MYO16: variants seen among roughly 807,000 people sequenced by gnomAD.
MYO16 encodes myosin XVI, also known as unconventional myosin-XVI.
A neutral mutation model predicts 205.3 loss-of-function variants in MYO16; 94 were observed. The observed-to-expected ratio is 0.46, with a 90% CI of 0.39 to 0.54. The LOEUF (loss-of-function observed/expected upper bound fraction) is 0.54. MYO16 is among the 20% of genes least tolerant of loss of function. MYO16 has a pLI of 0.00. For synonymous variants in MYO16, 988 were observed against 954.0 expected, an observed-to-expected ratio of 1.04 and a Z score of -0.66; for missense variants, 2,315 against 2,387.5, an observed-to-expected ratio of 0.97 and a Z score of 0.63.
chr13:108,752,302 T>G lies in MYO16; in HGVS notation c.507+24719T>G, dbSNP rs533960410. The stretch of plus-strand genomic sequence containing the variant: ...AGTCAACATCTGTAATTTATGAAAT[T>G]ACAGATTTCTATGAAAATATCTGTA... On this transcript the variant is annotated intron_variant, in intron 4 of 34. Transcript: ENST00000457511. Among the ~76,000 whole-genome samples, 3 of 152,306 alleles carry G rather than the reference T, an allele frequency of 2.0e-5. No homozygotes were observed. The South Asian group carries it at 6.2e-4, about 32-fold the overall frequency.
intron 27 of MYO16, among the ~76,000 whole-genome samples, chr13:109,091,026 A>G (rs1322692625): frequency 1.3e-5 from 2 of 152,294 alleles, no homozygotes; most frequent in South Asian, 2.1e-4. Flanking sequence ...AGCCTTCTGA[A>G]TGCTGGAAAT....
intron 12 of MYO16, among the ~76,000 whole-genome samples, chr13:108,866,946 G>A (rs571266733): frequency 1.3e-5 from 2 of 152,094 alleles, no homozygotes; most frequent in Non-Finnish European, 2.9e-5. Context: ...GAGAAAAAAA[G>A]AGAAATTCCT....
At chr13:108,855,713 G>A (rs1878134508) in intron 11 of MYO16, among the ~76,000 whole-genome samples, 160 bp downstream of exon 11, 1 of 152,154 alleles carries the variant, frequency 6.6e-6, no homozygotes, top group South Asian at 2.1e-4. Flanking sequence ...GCTTCATTCT[G>A]GCTCAGTTAT....
At chr13:108,590,220 T>G in the MYO16 span, among the ~76,000 whole-genome samples, 1 of 152,332 alleles carries the variant, frequency 6.6e-6, no homozygotes, top group Non-Finnish European at 1.5e-5. Context: ...CATTTGGAAG[T>G]ACTACACATA....
rs138244217 is a variant in MYO16 at position 109,074,171 on chromosome 13, G to A, written c.3335+18576G>A. ...CTTGTTTTTGGTAAAGAAAAAAATT[G>A]TGTTTTTACATAAACATACACCCAT... On this transcript the variant is annotated intron_variant, in intron 27 of 34. Coordinates refer to ENST00000457511, the MANE Select transcript of MYO16 (RefSeq NM_001198950.3). Among the ~76,000 whole-genome samples, 6 of 152,184 alleles carry A rather than the reference G, an allele frequency of 3.9e-5. No individual in the cohort carries two copies. In the East Asian group the frequency reaches 1.2e-3, roughly 29 times the overall value.
At chr13:108,559,470 C>CTTTTTTTT in the MYO16 span, among the ~76,000 whole-genome samples, 18 of 87,428 alleles carry the variant, frequency 2.1e-4, no homozygotes, top group South Asian at 1.4e-3. Flanking sequence ...TTTTTCTTTT[C>CTTTTTTTT]TTTTTTTTTT....
rs76759145 is a variant in MYO16, at chr13:109,036,521, C to T, written c.2797-10395C>T. 6.5e-3 allele frequency among the ~76,000 whole-genome samples: 989 copies of T among 152,284 alleles called. 13 individuals are homozygous for T. The highest frequency in any genetic ancestry group is 0.023 in the African/African-American group (940 of 41,558). On this transcript the variant is annotated intron_variant, in intron 23 of 34. Transcript: ENST00000457511. ...CTTCCAAAAAAGCCGCATACTGTCA[C>T]TGCTCTCAAGTTTATATTGCACCCC...
At chr13:108,741,978 A>G (rs1321099787) in intron 4 of MYO16, among the ~76,000 whole-genome samples, 1 of 152,158 alleles carries the variant, frequency 6.6e-6, no homozygotes, top group East Asian at 1.9e-4. Context: ...CAATAAACTT[A>G]TAATCCTTAT....
chr13:108,834,537 T>TG (rs36080128), intron 9 of MYO16, among the ~76,000 whole-genome samples: 4,274 of 152,198 alleles, frequency 0.028, 198 homozygotes, highest in African/African-American at 0.095. Context: ...GAGAAGAAGG[T>TG]TAAGGCCTTC....
intron 21 of MYO16, among the ~76,000 whole-genome samples, chr13:108,999,959 T>G (rs974699832): frequency 1.1e-4 from 17 of 152,204 alleles, no homozygotes; most frequent in Non-Finnish European, 2.4e-4. Flanking sequence ...TGTGCCATTG[T>G]TTTTTCCATA....
At chr13:109,069,648 T>G (rs1887864837) in intron 27 of MYO16, among the ~76,000 whole-genome samples, 1 of 152,020 alleles carries the variant, frequency 6.6e-6, no homozygotes. Context: ...ATACATGCCA[T>G]GGGAAGTCAA....
chr13:109,181,787 A>C (rs1879459576), intron 34 of MYO16, among the ~76,000 whole-genome samples: 1 of 148,404 alleles, frequency 6.7e-6, no homozygotes, highest in African/African-American at 2.5e-5. Flanking sequence ...GAGTCATTCA[A>C]CTGTTTCATA....
the MYO16 span, among the ~76,000 whole-genome samples, chr13:108,509,158 C>A: frequency 1.3e-5 from 2 of 152,070 alleles, no homozygotes; most frequent in African/African-American, 4.8e-5. Flanking sequence ...GATCTGAAAC[C>A]TTCAGGGAGT....
intron 33 of MYO16, among the ~76,000 whole-genome samples, chr13:109,177,956 A>C (rs991504498): frequency 1.3e-5 from 2 of 152,138 alleles, no homozygotes; most frequent in African/African-American, 4.8e-5. Flanking sequence ...CTTGCTTATC[A>C]ATCAGCCCCT....
intron 10 of MYO16, among the ~76,000 whole-genome samples, chr13:108,848,863 A>AT (rs1877661971): frequency 6.6e-6 from 1 of 152,142 alleles, no homozygotes; most frequent in Admixed American, 6.5e-5. Context: ...TGTTTCTTTT[A>AT]TTTTGTATCC....
intron 13 of MYO16, among the ~76,000 whole-genome samples, chr13:108,887,229 A>G (rs1879943058): frequency 6.6e-6 from 1 of 152,204 alleles, no homozygotes; most frequent in East Asian, 1.9e-4. Flanking sequence ...CTTAGGCCCC[A>G]GTAGTTCAAA....
At position 108,839,781 on chromosome 13, in the gene MYO16, A is replaced by G. The variant is rs370291614; in HGVS notation, c.1098-4562A>G. Reference sequence around the variant, plus strand: ...GATAAAGGAGAACTGATATAAACATAAAGCTCTGTGTCTTCCATGAGTAAT... The same window carrying G: ...GATAAAGGAGAACTGATATAAACATGAAGCTCTGTGTCTTCCATGAGTAAT... On this transcript the variant is annotated intron_variant, in intron 9 of 34. Transcript: ENST00000457511. Among the ~76,000 whole-genome samples, 25 of 152,324 alleles carry G rather than the reference A, an allele frequency of 1.6e-4. No individual in the cohort carries two copies. In the East Asian group the frequency reaches 4.4e-3, roughly 27 times the overall value.
Position 109,201,953 on chromosome 13 carries a change from C to A in MYO16, c.5416-4656C>A, listed in dbSNP as rs370775477. On this transcript the variant is annotated intron_variant, in intron 34 of 34. Coordinates refer to ENST00000457511, the MANE Select transcript of MYO16 (RefSeq NM_001198950.3). The stretch of plus-strand genomic sequence containing the variant: ...TTACTTTTTATGCCAGAGTAGTATT[C>A]CATCATATATATATATATGTACACA... 5.9e-5 allele frequency among the ~76,000 whole-genome samples: 9 copies of A among 151,666 alleles called. No individual in the cohort carries two copies. In the East Asian group the frequency reaches 1.4e-3, roughly 23 times the overall value.
At chr13:108,930,998 G>T (rs1402350058) in intron 16 of MYO16, among the ~76,000 whole-genome samples, 1 of 152,168 alleles carries the variant, frequency 6.6e-6, no homozygotes, top group Non-Finnish European at 1.5e-5. Flanking sequence ...GAATGAAAAT[G>T]AATCCAATGA....
Sources: gnomAD v4.1 joint callset for allele counts (sites outside exome capture counted in the v4.1 genomes callset) on GRCh38, gnomAD v4.1.1 for gene constraint, MANE v1.5 for transcripts, NCBI Gene and HGNC (gene_info 2026-07-23, HGNC 2026-07-21) for gene names.